The following SHISA9 variants were observed in gnomAD, a reference collection of about 807,000 sequenced individuals.
SHISA9 encodes the protein protein shisa-9.
A neutral mutation model predicts 38.0 loss-of-function variants in SHISA9; 13 were observed. The ratio of observed to expected loss-of-function variants is 0.34; its 90% CI spans 0.22 to 0.54. SHISA9 has a LOEUF of 0.54. SHISA9 is among the 20% of genes least tolerant of loss of function. The pLI is 0.91. For synonymous variants in SHISA9, 275 were observed against 242.0 expected, an observed-to-expected ratio of 1.14 and a Z score of -1.27; for missense variants, 538 against 575.8, an observed-to-expected ratio of 0.93 and a Z score of 0.67.
At chr16:13,235,009 T>C in intron 4 of SHISA9, 21 bp from the exon 5 acceptor site, 1 of 1,503,206 alleles carries the variant, frequency 6.7e-7, no homozygotes, top group Non-Finnish European at 9.0e-7. Flanking sequence ...CCCTTCTTCA[T>C]CCACCCGTTC....
At chr16:13,351,284 C>A in the SHISA9 span, among the ~76,000 whole-genome samples, 1 of 152,130 alleles carries the variant, frequency 6.6e-6, no homozygotes, top group Non-Finnish European at 1.5e-5. Context: ...AGACAGACGA[C>A]GTTAAAGCTA....
chr16:13,336,920 A>C, the SHISA9 span, among the ~76,000 whole-genome samples: 6 of 152,336 alleles, frequency 3.9e-5, no homozygotes, highest in African/African-American at 1.4e-4. Context: ...AGTGGAACAG[A>C]TGCAAGAAAA....
the SHISA9 span, among the ~76,000 whole-genome samples, chr16:13,513,860 G>A: frequency 6.6e-6 from 1 of 152,114 alleles, no homozygotes; most frequent in Admixed American, 6.6e-5. Flanking sequence ...AGAGTATTAG[G>A]ACAAATACCT....
intron 2 of SHISA9, among the ~76,000 whole-genome samples, chr16:13,133,031 CAA>C (rs1251971049): frequency 6.6e-6 from 1 of 152,044 alleles, no homozygotes; most frequent in East Asian, 1.9e-4. Context: ...TTCAACAAAC[CAA>C]AGACTACTTC....
intron 2 of SHISA9, among the ~76,000 whole-genome samples, chr16:13,028,504 G>A (rs547068050): frequency 1.3e-5 from 2 of 152,124 alleles, no homozygotes; most frequent in Non-Finnish European, 2.9e-5. Flanking sequence ...CAAGTGAAAG[G>A]GGAGACCCCT....
intron 2 of SHISA9, among the ~76,000 whole-genome samples, chr16:13,058,860 A>C (rs2073340772): frequency 6.6e-6 from 1 of 151,996 alleles, no homozygotes; most frequent in African/African-American, 2.4e-5. Flanking sequence ...ACCGTTGCTC[A>C]CTAACTAACC....
chr16:13,110,745 T>C (rs2073970349), intron 2 of SHISA9, among the ~76,000 whole-genome samples: 1 of 152,206 alleles, frequency 6.6e-6, no homozygotes, highest in South Asian at 2.1e-4. Flanking sequence ...TCATTTATCC[T>C]GGAGAAAGCT....
At chr16:13,271,471 C>T in the SHISA9 span, among the ~76,000 whole-genome samples, 1 of 152,112 alleles carries the variant, frequency 6.6e-6, no homozygotes, top group Non-Finnish European at 1.5e-5. Flanking sequence ...TATGAATATC[C>T]ATCCATGTGT....
chr16:13,493,933 C>T, the SHISA9 span, among the ~76,000 whole-genome samples: 6 of 151,646 alleles, frequency 4.0e-5, no homozygotes, highest in Admixed American at 3.3e-4. Context: ...GTTCCAGACT[C>T]AGTTTACCCC....
chr16:13,217,197 G>A (rs1027524704), intron 4 of SHISA9, among the ~76,000 whole-genome samples: 11 of 152,130 alleles, frequency 7.2e-5, no homozygotes, highest in East Asian at 3.9e-4. Context: ...AGAATGGCGC[G>A]AACCCGGGAG....
intron 2 of SHISA9, among the ~76,000 whole-genome samples, chr16:13,113,342 G>A (rs908048950): frequency 6.6e-6 from 1 of 152,146 alleles, no homozygotes; most frequent in Admixed American, 6.5e-5. Flanking sequence ...CAGTCACAGA[G>A]TATCTGCTGT....
At chr16:13,289,541 CAAAA>C in the SHISA9 span, among the ~76,000 whole-genome samples, 3 of 147,166 alleles carry the variant, frequency 2.0e-5, no homozygotes, top group Non-Finnish European at 4.5e-5. Context: ...AAACAGAAAA[CAAAA>C]AAAAACCCCA....
the SHISA9 span, among the ~76,000 whole-genome samples, chr16:13,480,760 G>A: frequency 1.3e-5 from 2 of 152,130 alleles, no homozygotes; most frequent in African/African-American, 4.8e-5. Context: ...AACACCAAGA[G>A]TAGAGCTCCT....
chr16:13,536,824 A>T, the SHISA9 span, among the ~76,000 whole-genome samples: 2 of 152,230 alleles, frequency 1.3e-5, no homozygotes, highest in African/African-American at 2.4e-5. Context: ...AAACAGTTAC[A>T]TCTTTTCTGG....
chr16:13,208,108 G>A (rs1383008034), intron 3 of SHISA9, among the ~76,000 whole-genome samples: 1 of 152,152 alleles, frequency 6.6e-6, no homozygotes, highest in Non-Finnish European at 1.5e-5. Flanking sequence ...CTTTGAGCAG[G>A]TCAATGAAGC....
At chr16:13,305,523 C>G in the SHISA9 span, among the ~76,000 whole-genome samples, 3 of 152,210 alleles carry the variant, frequency 2.0e-5, no homozygotes, top group Non-Finnish European at 4.4e-5. Context: ...CTCTCTCACT[C>G]TCCCTTGCTT....
the SHISA9 span, among the ~76,000 whole-genome samples, chr16:13,287,339 A>C: frequency 2.0e-5 from 3 of 152,214 alleles, no homozygotes; most frequent in African/African-American, 7.2e-5. Flanking sequence ...AGATAAGTTC[A>C]TATGTCGCTT....
At chr16:13,242,397 C>G (rs1380952101), downstream of SHISA9, among the ~76,000 whole-genome samples, 1 of 152,146 alleles carries the variant, frequency 6.6e-6, no homozygotes, top group Non-Finnish European at 1.5e-5. Flanking sequence ...TAGAGTGGCC[C>G]CTGGACCCTA....
chr16:13,260,007 C>CTTTCTTTTTTTTTTTTTTTTTTT, the SHISA9 span, among the ~76,000 whole-genome samples: 3 of 60,418 alleles, frequency 5.0e-5, no homozygotes, highest in Non-Finnish European at 5.8e-5. Context: ...TTCTTTCTTT[C>CTTTCTTTTTTTTTTTTTTTTTTT]TTTTTTTTTT....
Sources: gnomAD v4.1 joint callset for allele counts (sites outside exome capture counted in the v4.1 genomes callset) on GRCh38, gnomAD v4.1.1 for gene constraint, MANE v1.5 for transcripts, NCBI Gene and HGNC (gene_info 2026-07-23, HGNC 2026-07-21) for gene names.